Variants in GRIN2A observed in about 807,000 individuals in gnomAD.
GRIN2A encodes glutamate ionotropic receptor NMDA type subunit 2A, also known as glutamate receptor ionotropic, NMDA 2A.
Under a neutral mutation model 113.4 loss-of-function variants are expected in GRIN2A, and 22 were observed. The ratio of observed to expected loss-of-function variants is 0.19; its 90% CI spans 0.14 to 0.28. The LOEUF is 0.28. Among genes scored for constraint, GRIN2A ranks in the 10% least tolerant of loss-of-function variants. GRIN2A has a pLI of 1.00. For synonymous variants in GRIN2A, 827 were observed against 738.4 expected (o/e 1.12, Z -1.94); for missense variants, 1,502 against 1,887.0 (o/e 0.80, Z 3.78).
At chr16:10,138,327 T>C (rs891213541) in intron 2 of GRIN2A, among the ~76,000 whole-genome samples, 1 of 152,124 alleles carries the variant, frequency 6.6e-6, no homozygotes, top group African/African-American at 2.4e-5. Flanking sequence ...GGGTAATTTA[T>C]AAGGAACAGA....
At chr16:10,113,371 C>T (rs964810613) in intron 2 of GRIN2A, among the ~76,000 whole-genome samples, 2 of 152,212 alleles carry the variant, frequency 1.3e-5, no homozygotes, top group African/African-American at 4.8e-5. Context: ...CTTCCCCGGT[C>T]CTGGGCTACC....
At position 9,755,125 on chromosome 16, in the gene GRIN2A, T is replaced by G. The variant is rs926828583; in HGVS notation, c.*8024A>C. ...CAAAAATGCAAACTCATTGTTTCAC[T>G]GACATAGTAAGTAAGAGAATTATGA... is the stretch of plus-strand genomic sequence containing the variant. On this transcript the variant is annotated 3_prime_UTR_variant, in exon 13 of 13. Coordinates refer to ENST00000330684, the MANE Select transcript of GRIN2A (RefSeq NM_001134407.3). 1 of 197,716 alleles carries G rather than the reference T, an allele frequency of 5.1e-6. No individual in the cohort carries two copies. The highest frequency in any genetic ancestry group is 1.0e-5 in the Non-Finnish European group (1 of 95,368). The allele number at this position is 197,716 out of a possible 1,614,324, so 12.2% of individuals were successfully genotyped here. A position where few individuals can be genotyped will look rare whatever the true frequency, so the allele number is the denominator to read the frequency against.
intron 3 of GRIN2A, among the ~76,000 whole-genome samples, chr16:9,927,066 T>C (rs928233252): frequency 1.3e-5 from 2 of 152,242 alleles, no homozygotes; most frequent in Non-Finnish European, 2.9e-5. Context: ...TCAAGTTCTA[T>C]AACTTCTCTA....
chr16:9,984,494 G>A (rs770203781), intron 2 of GRIN2A, among the ~76,000 whole-genome samples: 5 of 152,260 alleles, frequency 3.3e-5, no homozygotes, highest in Admixed American at 6.5e-5. Context: ...GGTTTTACAC[G>A]TCAGTCTTTA....
chr16:10,034,455 G>A (rs1292929380), intron 2 of GRIN2A, among the ~76,000 whole-genome samples: 6 of 150,594 alleles, frequency 4.0e-5, no homozygotes, highest in African/African-American at 1.5e-4. Flanking sequence ...AACCCAGGAG[G>A]CGGAGGTTGC....
chr16:9,944,476 C>A (rs1050266555), intron 2 of GRIN2A, among the ~76,000 whole-genome samples: 4 of 152,152 alleles, frequency 2.6e-5, no homozygotes, highest in Non-Finnish European at 5.9e-5. Flanking sequence ...CATCCTCCTC[C>A]TCCTCACCAT....
At chr16:9,899,845 T>C (rs2043882867) in intron 3 of GRIN2A, among the ~76,000 whole-genome samples, 3 of 152,172 alleles carry the variant, frequency 2.0e-5, no homozygotes, top group Non-Finnish European at 4.4e-5. Flanking sequence ...ACACTAAATA[T>C]TTGATTCCAG....
intron 4 of GRIN2A, among the ~76,000 whole-genome samples, chr16:9,852,940 T>G (rs939923786): frequency 6.6e-6 from 1 of 152,212 alleles, no homozygotes; most frequent in African/African-American, 2.4e-5. Context: ...AAATGTTTGC[T>G]TGCATGAAAT....
intron 4 of GRIN2A, among the ~76,000 whole-genome samples, chr16:9,889,289 G>T (rs1035373006): frequency 6.6e-6 from 1 of 152,062 alleles, no homozygotes; most frequent in Non-Finnish European, 1.5e-5. Flanking sequence ...ATGCCTGTAG[G>T]ATCTGTAGTG....
rs1372419754 is a variant in GRIN2A, at chr16:9,762,534, C to A, written c.*615G>T. On this transcript the variant is annotated 3_prime_UTR_variant, in exon 13 of 13. Coordinates refer to ENST00000330684, the MANE Select transcript of GRIN2A (RefSeq NM_001134407.3). ...GAAGGTAGCACAGTCATCACGAACA[C>A]ACTGATTTGCTATTCTTTAGGGGAG... is the stretch of plus-strand genomic sequence containing the variant. The A allele has an allele frequency of 3.1e-5, 7 of 227,694 alleles. No homozygotes were observed. Among genetic ancestry groups the A allele is most frequent in the Admixed American group, 5.5e-5 (1 of 18,172 alleles). 14.1% of individuals were successfully genotyped at this position (227,694 alleles called of 1,614,324 possible).
chr16:9,885,427 G>T (rs923480919), intron 4 of GRIN2A, among the ~76,000 whole-genome samples: 1 of 152,180 alleles, frequency 6.6e-6, no homozygotes, highest in Non-Finnish European at 1.5e-5. Flanking sequence ...TGGAAGTCCC[G>T]ATTTGTGAGA....
chr16:10,157,326 T>A (rs546241909), intron 2 of GRIN2A, among the ~76,000 whole-genome samples: 1 of 152,336 alleles, frequency 6.6e-6, no homozygotes, highest in South Asian at 2.1e-4. Flanking sequence ...ACTCTGATTA[T>A]CTTTCAATCC....
chr16:10,165,006 C>T (rs895632439), intron 2 of GRIN2A, among the ~76,000 whole-genome samples: 26 of 152,252 alleles, frequency 1.7e-4, no homozygotes, highest in South Asian at 8.3e-4. Context: ...AACAAATTAA[C>T]GGAACCTTAA....
intron 3 of GRIN2A, among the ~76,000 whole-genome samples, chr16:9,914,183 G>A (rs2044197416): frequency 6.6e-6 from 1 of 151,388 alleles, no homozygotes; most frequent in Non-Finnish European, 1.5e-5. Flanking sequence ...GAGTCAAAAT[G>A]CCAAGTCATC....
chr16:10,170,676 G>C (rs1195672011), intron 2 of GRIN2A, among the ~76,000 whole-genome samples: 1 of 152,090 alleles, frequency 6.6e-6, no homozygotes, highest in Non-Finnish European at 1.5e-5. Flanking sequence ...AGGAGTTCAA[G>C]ACCAGCCTGG....
At chr16:10,041,802 C>T (rs924040386) in intron 2 of GRIN2A, among the ~76,000 whole-genome samples, 1 of 152,188 alleles carries the variant, frequency 6.6e-6, no homozygotes, top group Admixed American at 6.5e-5. Flanking sequence ...CCGCTGAGCT[C>T]AGTTCAAAGC....
At chr16:9,894,990 C>G (rs369227159) in intron 3 of GRIN2A, among the ~76,000 whole-genome samples, 1 of 152,168 alleles carries the variant, frequency 6.6e-6, no homozygotes, top group Non-Finnish European at 1.5e-5. Flanking sequence ...TTCATTAATA[C>G]GTTCATCCAT....
At chr16:9,844,221 T>G (rs1364476415) in intron 5 of GRIN2A, among the ~76,000 whole-genome samples, 5 of 152,144 alleles carry the variant, frequency 3.3e-5, no homozygotes, top group African/African-American at 4.8e-5. Flanking sequence ...CTCAGCCAGT[T>G]TATGAGTTAT....
intron 11 of GRIN2A, among the ~76,000 whole-genome samples, chr16:9,796,434 C>A (rs1443494982): frequency 6.6e-6 from 1 of 152,212 alleles, no homozygotes; most frequent in African/African-American, 2.4e-5. Context: ...GGCCCCAATT[C>A]TTCAGCATAC....
Sources: allele counts gnomAD v4.1 joint callset (sites outside exome capture counted in the v4.1 genomes callset), GRCh38; gene constraint gnomAD v4.1.1; transcripts MANE v1.5; gene names NCBI Gene and HGNC (gene_info 2026-07-23, HGNC 2026-07-21).